Variants in LEO1 observed in about 807,000 individuals in gnomAD.
The protein encoded by LEO1 is RNA polymerase-associated protein LEO1.
A neutral mutation model predicts 80.4 loss-of-function variants in LEO1; 34 were observed. That is an observed-to-expected ratio of 0.42 (90% CI 0.32 to 0.56). The LOEUF is 0.56. Ranked by LOEUF, LEO1 falls within the 20% of genes least tolerant of loss-of-function variation. The pLI is 0.10. For synonymous variants in LEO1, 262 were observed against 274.9 expected, an observed-to-expected ratio of 0.95 and a Z score of 0.46; for missense variants, 631 against 814.2, an observed-to-expected ratio of 0.77 and a Z score of 2.74.
At chr15:51,951,791 T>G in intron 9 of LEO1, 53 bp downstream of exon 9, 1 of 1,535,162 alleles carries the variant, frequency 6.5e-7, no homozygotes, top group East Asian at 2.3e-5. Context: ...TGGGAAATAC[T>G]TGCCTAATAT....
At chr15:51,950,863 C>G (rs1284728356) in intron 9 of LEO1, among the ~76,000 whole-genome samples, 3 of 152,158 alleles carry the variant, frequency 2.0e-5, no homozygotes, top group Non-Finnish European at 4.4e-5. Context: ...CAAAGTGGTT[C>G]AAGAGCTTCT....
At chr15:51,955,023 G>A in intron 6 of LEO1, 1 of 149,284 alleles carries the variant, frequency 6.7e-6, no homozygotes, top group Non-Finnish European at 1.5e-5. Context: ...TGCAAGCTCC[G>A]CCTCCCGGGT....
chr15:51,946,551 A>C (rs1274847550), intron 11 of LEO1, among the ~76,000 whole-genome samples: 1 of 151,948 alleles, frequency 6.6e-6, no homozygotes, highest in Non-Finnish European at 1.5e-5. Context: ...ATAAGAATGA[A>C]ATCATTTTCT....
chr15:51,966,359 G>A lies in LEO1; in HGVS notation c.204C>T (p.Asp68=), dbSNP rs142281993. The A allele has an allele frequency of 3.7e-4, 593 of 1,613,926 alleles. 2 individuals carry two copies. Among genetic ancestry groups the A allele is most frequent in the Non-Finnish European group, 4.5e-4 (534 of 1,179,988 alleles). ...TACCACTATGATGTGAAGCTCCCTC[G>A]TCCTCACTGTCATCTCCAAACAGTT... ...NKELFGDDSE[D]EGASHHSGSD... The change falls in exon 2 of 12, where the codon GAC becomes GAT. Residue 68 remains aspartate, a synonymous_variant. Coordinates refer to ENST00000299601, the MANE Select transcript of LEO1 (RefSeq NM_138792.4).
At position 51,949,991 on chromosome 15, in the gene LEO1, CT is replaced by C. The variant is rs768405860; in HGVS notation, c.1614del (p.Glu539LysfsTer5). The stretch of plus-strand genomic sequence containing the variant: ...ATGGAAGCCCTCAAACGTTCTTCTT[CT>C]TTCTGTAAAGAAGCAAATAACCTCT... Reference protein sequence around the residue: ...PECQRTEMIKKEEERLRASIR... With the variant: ...PECQRTEMIKXEEERLRASIR... On this transcript the variant is annotated frameshift_variant and splice_region_variant, in exon 10 of 12. Coordinates refer to ENST00000299601, the MANE Select transcript of LEO1 (RefSeq NM_138792.4). LOFTEE classifies it high-confidence loss of function. The C allele has an allele frequency of 6.2e-7, 1 of 1,609,782 alleles. No homozygotes were observed.
At chr15:51,959,849 C>G (rs758191825) in intron 5 of LEO1, 50 bp downstream of exon 5, 2 of 1,444,672 alleles carry the variant, frequency 1.4e-6, no homozygotes, top group South Asian at 2.9e-5. Context: ...AATAAACATT[C>G]TATGTATTTC....
intron 1 of LEO1, 118 bp from the exon 2 acceptor site, chr15:51,966,622 A>T: frequency 1.5e-6 from 1 of 647,278 alleles, no homozygotes; most frequent in South Asian, 2.0e-5. Flanking sequence ...TAGAATTAAC[A>T]TTCTAAGGCC....
chr15:51,961,552 C>T (rs1241439325), intron 3 of LEO1, among the ~76,000 whole-genome samples: 2 of 151,912 alleles, frequency 1.3e-5, no homozygotes, highest in Non-Finnish European at 2.9e-5. Context: ...ACCACCTCGC[C>T]CCGCTAATGT....
intron 2 of LEO1, 34 bp downstream of exon 2, chr15:51,965,715 T>C (rs934942773): frequency 1.3e-6 from 2 of 1,562,950 alleles, no homozygotes; most frequent in Non-Finnish European, 1.7e-6. Context: ...GAATGCTTCT[T>C]TCTGAGCCAT....
chr15:51,966,412 C>G lies in LEO1; in HGVS notation c.151G>C (p.Gly51Arg), dbSNP rs759848924. ...TTATTACTTGGTTGTCCTGAATCAC[C>G]TCTTTCATCCTGATCACTTTCACTT... is the stretch of plus-strand genomic sequence containing the variant. The part of the protein sequence containing the change: ...SGSESDQDER[G>R]DSGQPSNKEL... Residue 51 changes from glycine to arginine, a missense_variant, in exon 2 of 12, where the codon GGT becomes CGT. By Grantham distance (125) the Gly-to-Arg change is moderately radical. This residue lies in a region of LEO1 where 394 missense variants were observed against 395.6 expected (regional missense o/e 1.00). Coordinates refer to ENST00000299601, the MANE Select transcript of LEO1 (RefSeq NM_138792.4). The G allele has an allele frequency of 6.2e-7, 1 of 1,614,140 alleles. No homozygotes were observed. The highest frequency in any genetic ancestry group is 8.5e-7 in the Non-Finnish European group (1 of 1,179,958).
At chr15:51,939,625 G>C (rs2623291) in intron 11 of LEO1, among the ~76,000 whole-genome samples, 92,870 of 152,080 alleles carry the variant, frequency 0.61, 29,530 homozygotes, top group East Asian at 0.98. Flanking sequence ...TACTCCCAGC[G>C]CCACAGGCAA....
intron 11 of LEO1, among the ~76,000 whole-genome samples, chr15:51,942,391 TAGA>T (rs1160279567): frequency 1.3e-5 from 2 of 151,440 alleles, no homozygotes; most frequent in African/African-American, 4.9e-5. Flanking sequence ...CTGCCCAGCC[TAGA>T]AGAAGGCTAT....
chr15:51,954,348 C>T (rs2056971865), intron 7 of LEO1, 133 bp downstream of exon 7: 25 of 629,348 alleles, frequency 4.0e-5, no homozygotes, highest in South Asian at 3.8e-4. Context: ...TGTCATTACA[C>T]TCCAACATGG....
chr15:51,943,323 G>A (rs756400548), intron 11 of LEO1, among the ~76,000 whole-genome samples: 39 of 151,614 alleles, frequency 2.6e-4, no homozygotes, highest in Admixed American at 5.3e-4. Context: ...AAGTTGCAGT[G>A]AGCCAAGATC....
In LEO1 at chr15:51,963,388, G is replaced by C. The variant is rs140758987; in HGVS notation, c.815-895C>G. Among the ~76,000 whole-genome samples, 104 of 152,166 alleles carry C rather than the reference G, an allele frequency of 6.8e-4. No homozygotes were observed. In the Middle Eastern group the frequency reaches 0.01, roughly 15 times the overall value. ...AATTTCAGGGAAAAAAAGGTAAAAAGATTAAAAAGGAACTGACAAATATAT... is the reference window on the plus strand; with the variant it reads ...AATTTCAGGGAAAAAAAGGTAAAAACATTAAAAAGGAACTGACAAATATAT... On this transcript the variant is annotated intron_variant, in intron 2 of 11. Transcript: ENST00000299601.
Position 51,953,167 on chromosome 15 carries a change from T to C in LEO1, c.1437A>G (p.Leu479=). ...NHLFIRQGTG[L]QGQAVFKTKL... ...TCGTTTTAAAGACTGCTTGTCCCTGTAGACCAGTACCTTGTCTTATAAAAA... is the reference window on the plus strand; with the variant it reads ...TCGTTTTAAAGACTGCTTGTCCCTGCAGACCAGTACCTTGTCTTATAAAAA... Residue 479 remains leucine (L), a synonymous_variant, in exon 8 of 12, where the codon CTA becomes CTG. Coordinates refer to ENST00000299601, the MANE Select transcript of LEO1 (RefSeq NM_138792.4). 5 of 1,613,656 alleles carry C rather than the reference T, an allele frequency of 3.1e-6. No homozygotes were observed. The highest frequency in any genetic ancestry group is 4.2e-6 in the Non-Finnish European group (5 of 1,179,504).
intron 6 of LEO1, chr15:51,954,809 A>T (rs2056975932): frequency 2.0e-6 from 1 of 489,706 alleles, no homozygotes; most frequent in South Asian, 2.5e-5. Context: ...AATCATAATC[A>T]TAGAGAAAGC....
chr15:51,938,660 T>G (rs192601422), intron 11 of LEO1, among the ~76,000 whole-genome samples: 11 of 152,392 alleles, frequency 7.2e-5, no homozygotes, highest in Admixed American at 3.3e-4. Flanking sequence ...TTGGTTTTTT[T>G]GGAACAATTT....
At chr15:51,950,499 T>C (rs1353671419) in intron 9 of LEO1, among the ~76,000 whole-genome samples, 13 of 152,056 alleles carry the variant, frequency 8.5e-5, no homozygotes, top group East Asian at 1.9e-4. Context: ...TGATGACAGG[T>C]TGGGGAGCGT....
Sources: gnomAD v4.1 joint callset for allele counts (sites outside exome capture counted in the v4.1 genomes callset) on GRCh38, gnomAD v4.1.1 for gene constraint, gnomAD v4.1.1 regional missense constraint, MANE v1.5 for transcripts, NCBI Gene and HGNC (gene_info 2026-07-23, HGNC 2026-07-21) for gene names.